The following TMEM108 variants were observed in gnomAD, a reference collection of about 807,000 sequenced individuals.
The protein encoded by TMEM108 is transmembrane protein 108.
TMEM108 carries 12 observed loss-of-function variants against 35.1 expected under a neutral mutation model. That is an observed-to-expected ratio of 0.34 (90% CI 0.22 to 0.55). The LOEUF (loss-of-function observed/expected upper bound fraction) is 0.55. Among genes scored for constraint, TMEM108 ranks in the 20% least tolerant of loss-of-function variants. The pLI, the probability that TMEM108 is intolerant of heterozygous loss-of-function variation, is 0.89. For synonymous variants in TMEM108, 287 were observed against 308.6 expected, an observed-to-expected ratio of 0.93 and a Z score of 0.73; for missense variants, 680 against 753.3, an observed-to-expected ratio of 0.90 and a Z score of 1.14.
intron 3 of TMEM108, among the ~76,000 whole-genome samples, chr3:133,229,715 CA>C (rs771546257): frequency 2.6e-5 from 4 of 152,058 alleles, no homozygotes; most frequent in Non-Finnish European, 4.4e-5. Flanking sequence ...AGTATTCTTC[CA>C]GGATGACCTG....
At chr3:133,297,058 T>C (rs1198578629) in intron 3 of TMEM108, among the ~76,000 whole-genome samples, 1 of 152,120 alleles carries the variant, frequency 6.6e-6, no homozygotes, top group African/African-American at 2.4e-5. Flanking sequence ...CTGAAGGAGG[T>C]CCGAACAATA....
chr3:133,379,894 T>C lies in TMEM108; in HGVS notation c.183T>C (p.Thr61=). ...CACCCCACAGCTCTACCAGACATAC[T>C]TCTGTGGTGATGCTGACCCCCAATC... ...VTAPHSSTRH[T]SVVMLTPNPD... Residue 61 remains threonine (T), a synonymous_variant, in exon 4 of 6, where the codon ACT becomes ACC. Coordinates refer to ENST00000321871, the MANE Select transcript of TMEM108 (RefSeq NM_023943.4). 1.2e-6 allele frequency: 2 copies of C among 1,613,680 alleles called. No homozygotes were observed. The highest frequency in any genetic ancestry group is 1.7e-6 in the Non-Finnish European group (2 of 1,179,910).
In TMEM108 at chr3:133,075,873, G is replaced by T. The variant is rs192723811; in HGVS notation, c.-47+29853G>T. ...AGAAGTAGTAGATAATTTGAAGGGT[G>T]AGGACAAAGACAGGAGGCCACAAGC... On this transcript the variant is annotated intron_variant, in intron 2 of 5. Coordinates refer to ENST00000321871, the MANE Select transcript of TMEM108 (RefSeq NM_023943.4). Among the ~76,000 whole-genome samples the T allele has an allele frequency of 1.7e-3, 260 of 152,274 alleles. 2 individuals are homozygous for T. Among genetic ancestry groups the T allele is most frequent in the African/African-American group, 6.1e-3 (255 of 41,548 alleles).
At position 133,126,360 on chromosome 3, in the gene TMEM108, G is replaced by A. The variant is rs976140353; in HGVS notation, c.-47+80340G>A. Among the ~76,000 whole-genome samples, 5 of 151,750 alleles carry A rather than the reference G, an allele frequency of 3.3e-5. No individual in the cohort carries two copies. In the East Asian group the frequency reaches 5.8e-4, roughly 18 times the overall value. ...CGAGCACCTGTAGTACCAGCTACTCGGGAGGCTGAGGCAGGAGAATCATTT... is the reference window on the plus strand; with the variant it reads ...CGAGCACCTGTAGTACCAGCTACTCAGGAGGCTGAGGCAGGAGAATCATTT... On this transcript the variant is annotated intron_variant, in intron 2 of 5. Transcript: ENST00000321871.
chr3:133,197,824 T>A (rs1459126646), intron 2 of TMEM108, among the ~76,000 whole-genome samples: 1 of 151,908 alleles, frequency 6.6e-6, no homozygotes, highest in Admixed American at 6.6e-5. Flanking sequence ...GACATGAGAG[T>A]CATAAGGAAG....
In TMEM108 at chr3:133,165,765, A is replaced by G. The variant is rs185898008; in HGVS notation, c.-46-63501A>G. On this transcript the variant is annotated intron_variant, in intron 2 of 5. Transcript: ENST00000321871. ...TGTTAAACAGGTTGGCTAAACATAC[A>G]TGTTGAACAGGTTACAGAGGGGGCT... Among the ~76,000 whole-genome samples, 292 of 152,366 alleles carry G rather than the reference A, an allele frequency of 1.9e-3. 1 individual carries two copies. The highest frequency in any genetic ancestry group is 3.3e-3 in the Non-Finnish European group (226 of 68,032).
In TMEM108 at chr3:133,229,345, C is replaced by T. The variant is rs1946117840; in HGVS notation, c.34C>T (p.Leu12=). The T allele has an allele frequency of 6.2e-7, 1 of 1,612,998 alleles. No individual in the cohort carries two copies. The highest frequency in any genetic ancestry group is 2.2e-5 in the East Asian group (1 of 44,786). The change falls in exon 3 of 6, where the codon CTG becomes TTG. Residue 12 remains leucine (L), a synonymous_variant. Coordinates refer to ENST00000321871, the MANE Select transcript of TMEM108 (RefSeq NM_023943.4). Reference sequence around the variant, plus strand: ...AAGTTTACAGGCCCTCTATTGCCAACTGTTAAGTAAGTTGACACTGTATTT... The same window carrying T: ...AAGTTTACAGGCCCTCTATTGCCAATTGTTAAGTAAGTTGACACTGTATTT... ...KRSLQALYCQ[L]LSFLLILALT... is the part of the protein sequence containing the mutation.
intron 2 of TMEM108, among the ~76,000 whole-genome samples, chr3:133,209,753 C>A (rs954047135): frequency 1.3e-5 from 2 of 152,124 alleles, no homozygotes; most frequent in African/African-American, 4.8e-5. Flanking sequence ...TCTATGAATG[C>A]CATCTTCAGG....
intron 2 of TMEM108, among the ~76,000 whole-genome samples, chr3:133,198,863 G>GAA (rs1265029090): frequency 6.6e-6 from 1 of 152,116 alleles, no homozygotes; most frequent in Non-Finnish European, 1.5e-5. Context: ...TCTTCCAGGA[G>GAA]TGGAAACACT....
chr3:133,068,353 G>A, intron 2 of TMEM108, among the ~76,000 whole-genome samples: 1 of 152,186 alleles, frequency 6.6e-6, no homozygotes, highest in African/African-American at 2.4e-5. Context: ...GGAAACAGAG[G>A]CAGCACTTCG....
chr3:133,192,976 G>GA (rs1945523046), intron 2 of TMEM108: 1 of 152,124 alleles, frequency 6.6e-6, no homozygotes, highest in Admixed American at 6.6e-5. Context: ...AGCTTCAGCA[G>GA]AAAGGTAGAA....
At chr3:133,115,942 T>C (rs1944283183) in intron 2 of TMEM108, among the ~76,000 whole-genome samples, 1 of 152,208 alleles carries the variant, frequency 6.6e-6, no homozygotes, top group Non-Finnish European at 1.5e-5. Context: ...CTTATTCAAC[T>C]GATTTCAGTG....
intron 3 of TMEM108, among the ~76,000 whole-genome samples, chr3:133,262,628 G>C (rs578228304): frequency 1.3e-5 from 2 of 152,324 alleles, no homozygotes; most frequent in South Asian, 2.1e-4. Flanking sequence ...ATATCCTAGA[G>C]GCTACTAACT....
chr3:133,381,837 C>T (rs900945068), intron 4 of TMEM108, among the ~76,000 whole-genome samples: 2 of 152,146 alleles, frequency 1.3e-5, no homozygotes, highest in Admixed American at 6.5e-5. Flanking sequence ...TTGAGAGTTA[C>T]GTAAACTCTA....
chr3:133,150,880 C>T (rs1258607340), intron 2 of TMEM108, among the ~76,000 whole-genome samples: 1 of 152,120 alleles, frequency 6.6e-6, no homozygotes, highest in African/African-American at 2.4e-5. Flanking sequence ...CTCCCCCATA[C>T]TTTTAAGGAA....
chr3:133,258,226 G>A (rs1210114783), intron 3 of TMEM108, among the ~76,000 whole-genome samples: 1 of 152,180 alleles, frequency 6.6e-6, no homozygotes, highest in African/African-American at 2.4e-5. Context: ...CTATGAACCA[G>A]CCAGCGGGCC....
intron 3 of TMEM108, among the ~76,000 whole-genome samples, chr3:133,267,018 T>G (rs1263605668): frequency 6.7e-6 from 1 of 149,292 alleles, no homozygotes; most frequent in Non-Finnish European, 1.5e-5. Context: ...AGGCGGAGTT[T>G]GCAGTGAAGT....
intron 3 of TMEM108, among the ~76,000 whole-genome samples, chr3:133,360,349 A>G (rs1433025601): frequency 1.3e-5 from 2 of 152,210 alleles, no homozygotes; most frequent in Admixed American, 6.5e-5. Context: ...TATGTAAATC[A>G]TACCTCAATA....
rs1000273247 is a variant in TMEM108, at chr3:133,164,639, C to T, written c.-46-64627C>T. Among the ~76,000 whole-genome samples the T allele has an allele frequency of 7.2e-5, 11 of 152,280 alleles. No homozygotes were observed. In the South Asian group the frequency reaches 1.0e-3, roughly 14 times the overall value. On this transcript the variant is annotated intron_variant, in intron 2 of 5. Transcript: ENST00000321871. ...CATGAATCCTGTGTACCAGACACTG[C>T]GCTTGGCACTGCTGACACAGTGGTG...
Sources: allele counts gnomAD v4.1 joint callset (sites outside exome capture counted in the v4.1 genomes callset), GRCh38; gene constraint gnomAD v4.1.1; transcripts MANE v1.5; gene names NCBI Gene and HGNC (gene_info 2026-07-23, HGNC 2026-07-21).